HMGXB3: variants seen among roughly 807,000 people sequenced by gnomAD.
HMGXB3 encodes the protein HMG-box containing 3, also known as HMG domain-containing protein 3.
A neutral mutation model predicts 121.5 loss-of-function variants in HMGXB3; 45 were observed. The observed-to-expected ratio is 0.37, with a 90% CI of 0.29 to 0.47. The LOEUF (loss-of-function observed/expected upper bound fraction) is 0.47, where lower values mean the gene tolerates loss of function less well. Among genes scored for constraint, HMGXB3 ranks in the 20% least tolerant of loss-of-function variants. The pLI is 0.99. For synonymous variants in HMGXB3, 590 were observed against 624.1 expected, an observed-to-expected ratio of 0.95 and a Z score of 0.81; for missense variants, 1,376 against 1,602.2, an observed-to-expected ratio of 0.86 and a Z score of 2.41.
At chr5:150,014,602 C>T (rs1418944518) in intron 5 of HMGXB3, among the ~76,000 whole-genome samples, 1 of 152,184 alleles carries the variant, frequency 6.6e-6, no homozygotes, top group Admixed American at 6.5e-5. Flanking sequence ...CCCAGGTACA[C>T]ACCACACACA....
intron 11 of HMGXB3, among the ~76,000 whole-genome samples, chr5:150,035,652 A>G (rs764679874): frequency 1.3e-5 from 2 of 152,194 alleles, no homozygotes; most frequent in Admixed American, 6.5e-5. Flanking sequence ...GTGGTTTAGC[A>G]GCTGTCAGAT....
At chr5:150,043,038 A>G (rs1040531441) in intron 15 of HMGXB3, among the ~76,000 whole-genome samples, 7 of 152,260 alleles carry the variant, frequency 4.6e-5, no homozygotes, top group African/African-American at 1.7e-4. Context: ...CATCATGACA[A>G]AGTTAAACAC....
In HMGXB3 at chr5:150,045,710, G is replaced by T. The variant is rs935464601; in HGVS notation, c.2950+25G>T. 4 of 1,537,682 alleles carry T rather than the reference G, an allele frequency of 2.6e-6. No individual in the cohort carries two copies. The African/African-American group carries it at 4.1e-5, about 16-fold the overall frequency. On this transcript the variant is annotated intron_variant, in intron 16 of 19. Transcript: ENST00000502717. ...GGTAAGGCCACCTGGTGGCTGACTG[G>T]GGTCAAAAAAGGGCTCAGTCAAGAG...
At chr5:150,001,793 A>T (rs1328471945) in intron 1 of HMGXB3, among the ~76,000 whole-genome samples, 2 of 152,172 alleles carry the variant, frequency 1.3e-5, no homozygotes, top group Non-Finnish European at 2.9e-5. Context: ...CCCTCAGCCC[A>T]AGGTGGCTGT....
chr5:150,002,193 A>G (rs1010948627), intron 1 of HMGXB3, among the ~76,000 whole-genome samples: 2 of 152,198 alleles, frequency 1.3e-5, no homozygotes, highest in Non-Finnish European at 2.9e-5. Context: ...TATCCTGAAA[A>G]TTATAGGTGA....
chr5:150,050,516 C>T (rs1756865757), intron 19 of HMGXB3, 55 bp downstream of exon 19: 1 of 1,377,458 alleles, frequency 7.3e-7, no homozygotes, highest in Non-Finnish European at 1.0e-6. Flanking sequence ...ATGTCTTGCT[C>T]TGTCACCCAG....
At chr5:150,050,601 C>T in intron 19 of HMGXB3, 140 bp downstream of exon 19, 6 of 633,880 alleles carry the variant, frequency 9.5e-6, no homozygotes, top group Non-Finnish European at 1.6e-5. Context: ...CGTGCCTCAG[C>T]CTCCCGAGTA....
chr5:150,024,367 A>G lies in HMGXB3; in HGVS notation c.1147A>G (p.Lys383Glu), dbSNP rs768229896. ...QPVTTEQNSS[K>E]ENASKLTLEN... is the part of the protein sequence containing the mutation. ...TGTCACCACTGAGCAAAATTCCTCT[A>G]AGGAAAATGCCTCCAAACTGACTCT... The change falls in exon 7 of 20, where the codon AAG becomes GAG. Residue 383 changes from lysine to glutamate, a missense_variant. Physicochemically the swap from Lys to Glu is moderately conservative, Grantham distance 56. Transcript: ENST00000502717. The G allele has an allele frequency of 1.3e-6, 2 of 1,551,758 alleles. No homozygotes were observed. Among genetic ancestry groups the G allele is most frequent in the South Asian group, 2.4e-5 (2 of 84,070 alleles).
chr5:150,004,605 C>A (rs959185641), intron 1 of HMGXB3, among the ~76,000 whole-genome samples: 1 of 152,146 alleles, frequency 6.6e-6, no homozygotes, highest in Non-Finnish European at 1.5e-5. Flanking sequence ...TGAGGAATCA[C>A]CTGAGGCATT....
intron 3 of HMGXB3, 22 bp downstream of exon 3, chr5:150,006,669 C>T (rs1284479364): frequency 1.3e-6 from 2 of 1,548,092 alleles, no homozygotes; most frequent in South Asian, 2.4e-5. Context: ...TTTTTTCCAG[C>T]TATTTTTTCC....
At chr5:150,045,262 T>C (rs1315169137) in intron 15 of HMGXB3, among the ~76,000 whole-genome samples, 2 of 152,054 alleles carry the variant, frequency 1.3e-5, no homozygotes, top group African/African-American at 4.8e-5. Flanking sequence ...TCTGGGAGAG[T>C]ACTATGGTGT....
At chr5:150,044,580 C>G (rs1252186306) in intron 15 of HMGXB3, among the ~76,000 whole-genome samples, 2 of 152,208 alleles carry the variant, frequency 1.3e-5, no homozygotes, top group Admixed American at 1.3e-4. Flanking sequence ...ATTTCTGACT[C>G]AGGAGATCTG....
chr5:150,029,821 C>T (rs547296847), intron 9 of HMGXB3, among the ~76,000 whole-genome samples: 22 of 152,296 alleles, frequency 1.4e-4, no homozygotes, highest in South Asian at 6.2e-4. Flanking sequence ...ACTTTGAGAA[C>T]TGTTTTGTTT....
At chr5:150,045,726 C>A in intron 16 of HMGXB3, 41 bp downstream of exon 16, 1 of 1,466,326 alleles carries the variant, frequency 6.8e-7, no homozygotes, top group Non-Finnish European at 9.3e-7. Flanking sequence ...AAAAAGGGCT[C>A]AGTCAAGAGT....
chr5:150,028,578 T>TC (rs1204156873), intron 9 of HMGXB3, among the ~76,000 whole-genome samples: 1 of 117,830 alleles, frequency 8.5e-6, no homozygotes, highest in Non-Finnish European at 1.7e-5. Context: ...TTTTTTTTTT[T>TC]CCTCCAGAAA....
In HMGXB3 at chr5:150,052,196, A is replaced by AG; in HGVS notation, c.*6dup. ...GGTGGCCGCAGTGGCAGAATAAGCCAGGCTGTTGTACAGGGACTACACCAT... is the reference window on the plus strand; with the variant it reads ...GGTGGCCGCAGTGGCAGAATAAGCCAGGGCTGTTGTACAGGGACTACACCAT... On this transcript the variant is annotated 3_prime_UTR_variant, in exon 20 of 20. Transcript: ENST00000502717. 6.5e-7 allele frequency: 1 copy of AG among 1,537,520 alleles called. No homozygotes were observed. Among genetic ancestry groups the AG allele is most frequent in the Non-Finnish European group, 8.8e-7 (1 of 1,139,880 alleles).
In HMGXB3 at chr5:150,036,992, CTCTTT is replaced by C. The variant is rs1345414493; in HGVS notation, c.2285+60_2285+64del. 1.7e-5 allele frequency: 24 copies of C among 1,377,112 alleles called. No individual in the cohort carries two copies. The East Asian group carries it at 4.5e-4, about 26-fold the overall frequency. The allele number at this position is 1,377,112 out of a possible 1,614,324, so 85.3% of individuals were successfully genotyped here. ...ACCCCATCCCATTTGGCTCATACTG[CTCTTT>C]TCTTCAGAAAACATTAAAACTATAA... On this transcript the variant is annotated intron_variant, in intron 12 of 19. Transcript: ENST00000502717.
intron 4 of HMGXB3, among the ~76,000 whole-genome samples, chr5:150,010,846 T>C (rs1236524863): frequency 6.6e-6 from 1 of 152,244 alleles, no homozygotes; most frequent in Admixed American, 6.5e-5. Context: ...TCACATGAGA[T>C]GGTTCATAAG....
chr5:150,025,210 A>G (rs1756199426), intron 7 of HMGXB3, among the ~76,000 whole-genome samples: 1 of 152,214 alleles, frequency 6.6e-6, no homozygotes, highest in South Asian at 2.1e-4. Flanking sequence ...TGTATATAAA[A>G]CATGCAACCA....
Sources: gnomAD v4.1 joint callset for allele counts (sites outside exome capture counted in the v4.1 genomes callset) on GRCh38, gnomAD v4.1.1 for gene constraint, MANE v1.5 for transcripts, NCBI Gene and HGNC (gene_info 2026-07-23, HGNC 2026-07-21) for gene names.